The following CSNK1G3 variants were observed in gnomAD, a reference collection of about 807,000 sequenced individuals.
CSNK1G3 encodes casein kinase I isoform gamma-3.
CSNK1G3 carries 23 observed loss-of-function variants against 64.3 expected under a neutral mutation model. That is an observed-to-expected ratio of 0.36 (90% CI 0.26 to 0.51). The LOEUF (loss-of-function observed/expected upper bound fraction) is 0.51. Ranked by LOEUF, CSNK1G3 falls within the 20% of genes least tolerant of loss-of-function variation. The probability of loss-of-function intolerance (pLI) is 0.96; values close to 1 mark genes in which losing one functional copy is unlikely to be tolerated. For missense variants in CSNK1G3, 357 were observed against 510.5 expected (o/e 0.70, Z 2.90); for synonymous variants, 158 against 162.2 (o/e 0.97, Z 0.20).
At chr5:123,571,716 A>C (rs911253570) in intron 4 of CSNK1G3, among the ~76,000 whole-genome samples, 3 of 152,164 alleles carry the variant, frequency 2.0e-5, no homozygotes, top group Admixed American at 2.0e-4. Context: ...AAAACGTTTT[A>C]TTAAAAAGAA....
intron 4 of CSNK1G3, among the ~76,000 whole-genome samples, chr5:123,566,740 A>G (rs1786960162): frequency 6.6e-6 from 1 of 152,200 alleles, no homozygotes; most frequent in Admixed American, 6.5e-5. Context: ...TGGTGTAAAT[A>G]TCATTTTAAG....
At chr5:123,517,931 G>GAAA (rs529062252) in intron 1 of CSNK1G3, among the ~76,000 whole-genome samples, 4 of 106,486 alleles carry the variant, frequency 3.8e-5, no homozygotes, top group Non-Finnish European at 6.1e-5. Flanking sequence ...TCCTCTTTAA[G>GAAA]AAAAAAAAAA....
At chr5:123,567,656 A>T (rs10059677) in intron 4 of CSNK1G3, among the ~76,000 whole-genome samples, 34,065 of 152,150 alleles carry the variant, frequency 0.22, 4,060 homozygotes, top group African/African-American at 0.28. Context: ...CAAAAATTTT[A>T]ATCAGCAGTA....
intron 1 of CSNK1G3, among the ~76,000 whole-genome samples, chr5:123,522,474 G>C (rs1445682497): frequency 1.3e-5 from 2 of 148,508 alleles, no homozygotes; most frequent in African/African-American, 5.0e-5. Flanking sequence ...TTGCACTCCA[G>C]CCTAGGCAAT....
chr5:123,586,888 C>T (rs919775569), intron 6 of CSNK1G3, among the ~76,000 whole-genome samples: 3 of 152,204 alleles, frequency 2.0e-5, no homozygotes, highest in African/African-American at 2.4e-5. Context: ...CTCACAGTCA[C>T]GGCAGAAGGC....
intron 10 of CSNK1G3, among the ~76,000 whole-genome samples, chr5:123,600,092 A>G (rs959679462): frequency 7.1e-6 from 1 of 141,430 alleles, no homozygotes; most frequent in Non-Finnish European, 1.6e-5. Flanking sequence ...GTATATGTAT[A>G]CTTTAGCACA....
At chr5:123,613,485 G>GCA (rs1554086347) in intron 12 of CSNK1G3, among the ~76,000 whole-genome samples, 1 of 151,680 alleles carries the variant, frequency 6.6e-6, no homozygotes, top group East Asian at 1.9e-4. Flanking sequence ...ATGTATGTGT[G>GCA]TATATATATA....
chr5:123,532,807 T>C (rs571001913), intron 1 of CSNK1G3, among the ~76,000 whole-genome samples: 108 of 152,062 alleles, frequency 7.1e-4, no homozygotes, highest in South Asian at 3.1e-3. Context: ...AATAGGTCTA[T>C]TAAATTAATG....
At chr5:123,590,535 T>C in exon 9 of CSNK1G3, 1 of 1,516,992 alleles carries the variant, frequency 6.6e-7, no homozygotes. Context: ...TGATTATGAA[T>C]ATGACTGGAT....
chr5:123,535,576 A>G (rs1442744453), intron 1 of CSNK1G3, among the ~76,000 whole-genome samples: 1 of 152,148 alleles, frequency 6.6e-6, no homozygotes. Flanking sequence ...GTAAAAAAAT[A>G]CATTATTACA....
chr5:123,561,966 T>C (rs2150491105), intron 4 of CSNK1G3, among the ~76,000 whole-genome samples: 2 of 152,314 alleles, frequency 1.3e-5, no homozygotes, highest in South Asian at 4.1e-4. Flanking sequence ...TTGTTACTTT[T>C]CTTCGAATTG....
chr5:123,519,813 C>G (rs1777774044), intron 1 of CSNK1G3, among the ~76,000 whole-genome samples: 1 of 152,146 alleles, frequency 6.6e-6, no homozygotes, highest in South Asian at 2.1e-4. Flanking sequence ...AAGCCACACA[C>G]CTGATTAGTA....
chr5:123,552,639 T>A (rs1327963798), intron 2 of CSNK1G3, among the ~76,000 whole-genome samples: 1 of 151,672 alleles, frequency 6.6e-6, no homozygotes, highest in African/African-American at 2.4e-5. Flanking sequence ...ATTTCAGATA[T>A]TTTATGTTTA....
Position 123,575,726 on chromosome 5 carries a change from A to T in CSNK1G3, c.439-3A>T. ...ACTTCTCTTCTTTTTTTCTTAAACC[A>T]AGATTTCTCGCATGGAATATGTCCA... On this transcript the variant is annotated splice_region_variant and splice_polypyrimidine_tract_variant and intron_variant, in intron 5 of 12. Coordinates refer to ENST00000345990, the Ensembl canonical transcript of CSNK1G3. The T allele has an allele frequency of 6.2e-7, 1 of 1,602,134 alleles. No homozygotes were observed. The highest frequency in any genetic ancestry group is 1.1e-5 in the South Asian group (1 of 89,872).
intron 1 of CSNK1G3, among the ~76,000 whole-genome samples, chr5:123,514,583 T>C (rs1197492849): frequency 6.6e-6 from 1 of 151,702 alleles, no homozygotes; most frequent in Non-Finnish European, 1.5e-5. Flanking sequence ...TTGTTGGAGG[T>C]GTATTGGAAG....
chr5:123,528,950 T>A (rs1779495458), intron 1 of CSNK1G3, among the ~76,000 whole-genome samples: 1 of 152,212 alleles, frequency 6.6e-6, no homozygotes, highest in South Asian at 2.1e-4. Flanking sequence ...CAGTTGACGT[T>A]GAATAAAGTG....
At chr5:123,557,403 T>C in intron 3 of CSNK1G3, 92 bp from the exon 4 acceptor site, 1 of 797,702 alleles carries the variant, frequency 1.3e-6, no homozygotes, top group South Asian at 1.6e-5. Context: ...TTACATAATA[T>C]AGGCATTGAC....
chr5:123,598,577 A>G (rs1191189730), intron 10 of CSNK1G3, among the ~76,000 whole-genome samples: 1 of 152,112 alleles, frequency 6.6e-6, no homozygotes, highest in Non-Finnish European at 1.5e-5. Context: ...AGAGGAGTAT[A>G]CCAGGCAGAG....
rs968416555 is a variant in CSNK1G3 at position 123,606,776 on chromosome 5, A to G, written c.1217+1414A>G. ...ATCCTCCTGGAGACTTGCTTTTAAT[A>G]AAATCTATTACATTTATCCATTTAT... On this transcript the variant is annotated intron_variant, in intron 12 of 12. Transcript: ENST00000345990. 1.3e-5 allele frequency among the ~76,000 whole-genome samples: 2 copies of G among 152,290 alleles called. 1 individual carries two copies. Among genetic ancestry groups the G allele is most frequent in the Admixed American group, 1.3e-4 (2 of 15,282 alleles).
Sources: allele counts gnomAD v4.1 joint callset (sites outside exome capture counted in the v4.1 genomes callset), GRCh38; gene constraint gnomAD v4.1.1; transcripts MANE v1.5; gene names NCBI Gene and HGNC (gene_info 2026-07-23, HGNC 2026-07-21).